MYBPH: variants seen among roughly 807,000 people sequenced by gnomAD.
MYBPH encodes myosin binding protein H.
MYBPH carries 49 observed loss-of-function variants against 53.6 expected under a neutral mutation model. That is an observed-to-expected ratio of 0.91 (90% CI 0.73 to 1.16). The LOEUF is 1.16. Among genes scored for constraint, MYBPH ranks in the 50% most tolerant of loss-of-function variants. The pLI is 0.00. For missense variants in MYBPH, 558 were observed against 624.1 expected (o/e 0.89, Z 1.13); for synonymous variants, 239 against 249.6 (o/e 0.96, Z 0.40).
chr1:203,170,270 C>T (rs1243141127), intron 7 of MYBPH, 21 bp downstream of exon 7: 2 of 1,613,362 alleles, frequency 1.2e-6, no homozygotes, highest in Non-Finnish European at 8.5e-7. Flanking sequence ...TTAGCACAGC[C>T]AGCTCCGGGC....
chr1:203,169,279 A>G lies in MYBPH; in HGVS notation c.1204T>C (p.Phe402Leu). The G allele has an allele frequency of 6.2e-7, 1 of 1,612,808 alleles. No homozygotes were observed. The highest frequency in any genetic ancestry group is 8.5e-7 in the Non-Finnish European group (1 of 1,179,308). The change falls in exon 8 of 11, where the codon TTC becomes CTC. Residue 402 changes from phenylalanine to leucine, a missense_variant. Phe to Leu is a conservative substitution (Grantham distance 22, BLOSUM62 0). Coordinates refer to ENST00000255416, the MANE Select transcript of MYBPH (RefSeq NM_004997.3). ...TSTPGYSTQL[F>L]CSVRASPKPK... ...TTGGGTGAAGCTCGGACACTGCAGA[A>G]CAACTGGGTGCTGTAGCCAGGGGTG...
Position 203,172,041 on chromosome 1 carries a change from C to T in MYBPH, c.509-1G>A, listed in dbSNP as rs372208753. 42 of 1,314,764 alleles carry T rather than the reference C, an allele frequency of 3.2e-5. No homozygotes were observed. Among genetic ancestry groups the T allele is most frequent in the Non-Finnish European group, 3.5e-5 (36 of 1,024,050 alleles). The allele number at this position is 1,314,764 out of a possible 1,614,324, so 81.4% of individuals were successfully genotyped here. On this transcript the variant is annotated splice_acceptor_variant, in intron 3 of 10. Coordinates refer to ENST00000255416, the MANE Select transcript of MYBPH (RefSeq NM_004997.3). LOFTEE classifies it high-confidence loss of function. ...CGGGGGACACGGATCTTGGGGGCCT[C>T]TGGATCAAAGCAAGAGTCTGGGCTT...
upstream of MYBPH, among the ~76,000 whole-genome samples, chr1:203,177,713 G>A (rs1337334095): frequency 6.6e-6 from 1 of 152,254 alleles, no homozygotes; most frequent in East Asian, 1.9e-4. Flanking sequence ...GCCTGTCCCC[G>A]GCTGGGGGAA....
rs199941514 is a variant in MYBPH, at chr1:203,171,931, C to T, written c.597+21G>A. ...CCTGGTTCCCACCCAGGCTGTTACC[C>T]TTGGTGGGGGTAATACCCACCTGGA... On this transcript the variant is annotated intron_variant, in intron 4 of 10. Coordinates refer to ENST00000255416, the MANE Select transcript of MYBPH (RefSeq NM_004997.3). This position sits in a 1 kb window ranked among gnomAD's most constrained non-coding sequence, Gnocchi z 4.2. The T allele has an allele frequency of 1.5e-6, 2 of 1,315,496 alleles. No homozygotes were observed. The allele number at this position is 1,315,496 out of a possible 1,614,324, so 81.5% of individuals were successfully genotyped here.
chr1:203,172,354 C>A (rs939743044), intron 3 of MYBPH, among the ~76,000 whole-genome samples: 5 of 152,146 alleles, frequency 3.3e-5, no homozygotes, highest in African/African-American at 1.2e-4. Flanking sequence ...CCAGGCATTC[C>A]CAAGCACCAG....
chr1:203,178,622 A>G (rs755809795), upstream of MYBPH, among the ~76,000 whole-genome samples: 12 of 152,228 alleles, frequency 7.9e-5, no homozygotes, highest in African/African-American at 1.2e-4. Flanking sequence ...CTTCTTTCCC[A>G]GGGCCTGCTA....
At chr1:203,173,940 A>G in intron 3 of MYBPH, among the ~76,000 whole-genome samples, 1 of 152,202 alleles carries the variant, frequency 6.6e-6, no homozygotes. Context: ...TGCAATGGAG[A>G]AGTCTTCATG....
Position 203,171,966 on chromosome 1 carries a change from G to A in MYBPH, c.583C>T (p.Gln195Ter). 7.6e-7 allele frequency: 1 copy of A among 1,323,860 alleles called. No individual in the cohort carries two copies. The highest frequency in any genetic ancestry group is 9.7e-7 in the Non-Finnish European group (1 of 1,028,966). The allele number at this position is 1,323,860 out of a possible 1,614,324, so 82.0% of individuals were successfully genotyped here. Residue 195 changes from glutamine to a stop codon, truncating the protein, a stop_gained, in exon 4 of 11, where the codon CAA (glutamine) becomes TAA (stop). Transcript: ENST00000255416. LOFTEE classifies it high-confidence loss of function. The surrounding 1 kb of genome is among the most constrained non-coding windows in gnomAD (Gnocchi z 4.2). Reference sequence around the variant, plus strand: ...GTAATACCCACCTGGAAGGGGATTTGCAGGTTGACCGTCTCTCCCACCTGG... The same window carrying A: ...GTAATACCCACCTGGAAGGGGATTTACAGGTTGACCGTCTCTCCCACCTGG... ...IRQVGETVNL[Q>*]IPFQGKPKPQ...
At chr1:203,170,601 G>C (rs1453564342) in intron 6 of MYBPH, 151 bp from the exon 7 acceptor site, 3 of 1,054,608 alleles carry the variant, frequency 2.8e-6, no homozygotes, top group Non-Finnish European at 4.0e-6. Flanking sequence ...CATTGAATTG[G>C]AAGAAGGGGC....
In MYBPH at chr1:203,171,509, G is replaced by T. The variant is rs77556926; in HGVS notation, c.667C>A (p.Arg223Ser). The T allele has an allele frequency of 2.5e-6, 4 of 1,613,760 alleles. No individual in the cohort carries two copies. Among genetic ancestry groups the T allele is most frequent in the Admixed American group, 1.7e-5 (1 of 60,024 alleles). Residue 223 changes from arginine (R) to serine (S), a missense_variant, in exon 5 of 11, where the codon CGC becomes AGC. Coordinates refer to ENST00000255416, the MANE Select transcript of MYBPH (RefSeq NM_004997.3). This position sits in a 1 kb window ranked among gnomAD's most constrained non-coding sequence, Gnocchi z 4.2. ...HALDSQRVSM[R>S]TGDQDSILFI... ...AGGATGGAGTCCTGGTCCCCGGTGC[G>T]CATGCTCACCCGCTGGCTGTCCAGG...
rs534902291 is a variant in MYBPH, at chr1:203,169,996, G to T, written c.1093+295C>A. Among the ~76,000 whole-genome samples the T allele has an allele frequency of 7.2e-5, 11 of 152,280 alleles. No homozygotes were observed. In the East Asian group the frequency reaches 1.9e-3, roughly 27 times the overall value. ...TTCGGACACTCACTGCCTGAGACTC[G>T]GCGGCTGCTGTGATGCTGGCAGCCA... On this transcript the variant is annotated intron_variant, in intron 7 of 10. Transcript: ENST00000255416.
chr1:203,170,428 C>T lies in MYBPH; in HGVS notation c.956G>A (p.Arg319His), dbSNP rs34702760. ...GATGGTGCAGGTGGTTGGGTGGTAG[C>T]GCTCCAGCACTGTGAACCATTGCTG... ...KTGQWFTVLE[R>H]YHPTTCTISD... Residue 319 changes from arginine to histidine, a missense_variant, in exon 7 of 11, where the codon CGC (arginine) becomes CAC (histidine). By Grantham distance (29) the Arg-to-His change is conservative. Coordinates refer to ENST00000255416, the MANE Select transcript of MYBPH (RefSeq NM_004997.3). 2,287 of 1,614,048 alleles carry T rather than the reference C, an allele frequency of 1.4e-3. 7 individuals are homozygous for T. The highest frequency in any genetic ancestry group is 1.9e-3 in the African/African-American group (139 of 75,022).
intron 10 of MYBPH, 114 bp downstream of exon 10, chr1:203,168,513 G>T: frequency 9.6e-7 from 1 of 1,044,386 alleles, no homozygotes; most frequent in Non-Finnish European, 1.4e-6. Context: ...ACAAGTTTGT[G>T]TCCACAGAGC....
In MYBPH at chr1:203,175,769, G is replaced by A. The variant is rs1048067355; in HGVS notation, c.-14C>T. 2 of 1,613,026 alleles carry A rather than the reference G, an allele frequency of 1.2e-6. No individual in the cohort carries two copies. Among genetic ancestry groups the A allele is most frequent in the Admixed American group, 3.3e-5 (2 of 60,018 alleles). On this transcript the variant is annotated 5_prime_UTR_variant, in exon 1 of 11. Coordinates refer to ENST00000255416, the MANE Select transcript of MYBPH (RefSeq NM_004997.3). ...TTTTTCCATCATTGCTGGACTGGCT[G>A]GGGGGCCAGGGTGGAGTGTGCAGGG...
rs750070706 is a variant in MYBPH at position 203,172,016 on chromosome 1, C to T, written c.533G>A (p.Arg178His). The change falls in exon 4 of 11, where the codon CGC becomes CAC. Residue 178 changes from arginine (R) to histidine (H), a missense_variant. Arg to His is a conservative substitution (Grantham distance 29, BLOSUM62 0). Transcript: ENST00000255416. The part of the protein sequence containing the change: ...NIEAPKIRVP[R>H]HLRQTYIRQV... ...GCGGATGTAGGTCTGACGGAGGTGG[C>T]GGGGGACACGGATCTTGGGGGCCTC... 5.3e-6 allele frequency: 7 copies of T among 1,317,690 alleles called. No individual in the cohort carries two copies. Among genetic ancestry groups the T allele is most frequent in the African/African-American group, 1.5e-5 (1 of 66,372 alleles). 81.6% of individuals were successfully genotyped at this position (1,317,690 alleles called of 1,614,324 possible).
At chr1:203,175,848 G>A, upstream of MYBPH, 1 of 1,290,858 alleles carries the variant, frequency 7.7e-7, no homozygotes. Flanking sequence ...CTAGGTCCAG[G>A]CTTATATAGT....
In MYBPH at chr1:203,174,550, G is replaced by T. The variant is rs1295444202; in HGVS notation, c.388C>A (p.Gln130Lys). 6.2e-7 allele frequency: 1 copy of T among 1,611,220 alleles called. No individual in the cohort carries two copies. The highest frequency in any genetic ancestry group is 2.2e-5 in the East Asian group (1 of 44,782). Residue 130 changes from glutamine to lysine, a missense_variant, in exon 3 of 11, where the codon CAG becomes AAG. Transcript: ENST00000255416. ...CCCAGAGCCAGGTTCCGCACAGTCT[G>T]CTGGGTCACCATCATGGGCCGGGCA... ...VSARPMMVTQQTVRNLALGDK... is the reference protein window; with the variant it reads ...VSARPMMVTQKTVRNLALGDK...
chr1:203,175,151 G>T (rs1446816014), intron 2 of MYBPH, among the ~76,000 whole-genome samples, 176 bp downstream of exon 2: 1 of 151,070 alleles, frequency 6.6e-6, no homozygotes, highest in African/African-American at 2.4e-5. Flanking sequence ...ACCCTTTCTT[G>T]CTCTCCTGCT....
rs1655711427 is a variant in MYBPH, at chr1:203,172,051, G to A, written c.509-11C>T. 1 of 1,309,314 alleles carries A rather than the reference G, an allele frequency of 7.6e-7. No individual in the cohort carries two copies. Among genetic ancestry groups the A allele is most frequent in the South Asian group, 3.2e-5 (1 of 30,782 alleles). 81.1% of individuals were successfully genotyped at this position (1,309,314 alleles called of 1,614,324 possible). On this transcript the variant is annotated splice_polypyrimidine_tract_variant and intron_variant, in intron 3 of 10. Coordinates refer to ENST00000255416, the MANE Select transcript of MYBPH (RefSeq NM_004997.3). ...GGATCTTGGGGGCCTCTGGATCAAA[G>A]CAAGAGTCTGGGCTTAGCAGTGCAG... is the stretch of plus-strand genomic sequence containing the variant.
Sources: allele counts gnomAD v4.1 joint callset (sites outside exome capture counted in the v4.1 genomes callset), GRCh38; gene constraint gnomAD v4.1.1; non-coding constraint Gnocchi (gnomAD v3.1); transcripts MANE v1.5; gene names NCBI Gene and HGNC (gene_info 2026-07-23, HGNC 2026-07-21).